Variants in ZDHHC17 observed in about 807,000 individuals in gnomAD.
ZDHHC17 encodes zDHHC palmitoyltransferase 17, also known as palmitoyltransferase ZDHHC17.
Under a neutral mutation model 90.3 loss-of-function variants are expected in ZDHHC17, and 40 were observed. That is an observed-to-expected ratio of 0.44 (90% confidence interval 0.34 to 0.58). The LOEUF is 0.58. Ranked by LOEUF, ZDHHC17 falls within the 20% of genes least tolerant of loss-of-function variation. The probability of loss-of-function intolerance (pLI) is 0.01; values close to 1 mark genes in which losing one functional copy is unlikely to be tolerated. For synonymous variants in ZDHHC17, 235 were observed against 252.4 expected (o/e 0.93, Z 0.65); for missense variants, 614 against 780.8 (o/e 0.79, Z 2.55).
intron 8 of ZDHHC17, among the ~76,000 whole-genome samples, chr12:76,823,733 A>G (rs1416454372): frequency 6.6e-6 from 1 of 152,218 alleles, no homozygotes; most frequent in East Asian, 1.9e-4. Flanking sequence ...CTTTATTTAT[A>G]GGAGTTTGGA....
chr12:76,826,734 T>A (rs4761342), intron 8 of ZDHHC17, among the ~76,000 whole-genome samples, 174 bp from the exon 9 acceptor site: 92,808 of 152,026 alleles, frequency 0.61, 28,390 homozygotes, highest in East Asian at 0.67. Flanking sequence ...AAATTGTTCA[T>A]TGCCTGTCTC....
intron 3 of ZDHHC17, among the ~76,000 whole-genome samples, chr12:76,807,100 A>G (rs1419420251): frequency 6.6e-6 from 1 of 152,238 alleles, no homozygotes; most frequent in Non-Finnish European, 1.5e-5. Context: ...GTTTAGGGAC[A>G]CAAGAATGAA....
chr12:76,811,173 A>G (rs2137764187), intron 5 of ZDHHC17, among the ~76,000 whole-genome samples: 1 of 151,592 alleles, frequency 6.6e-6, no homozygotes, highest in East Asian at 1.9e-4. Context: ...AACCACCCGG[A>G]GGGAAGGGAC....
chr12:76,803,695 A>C (rs921174040), intron 2 of ZDHHC17, among the ~76,000 whole-genome samples: 12 of 152,272 alleles, frequency 7.9e-5, no homozygotes, highest in Admixed American at 6.5e-4. Context: ...AGATTTGACA[A>C]ATTCTTTTAA....
At chr12:76,791,818 T>A (rs1311227635) in intron 1 of ZDHHC17, among the ~76,000 whole-genome samples, 2 of 152,118 alleles carry the variant, frequency 1.3e-5, no homozygotes, top group Admixed American at 6.6e-5. Context: ...CTCCTCAGAT[T>A]TGATAATTTG....
chr12:76,829,163 A>G (rs1216423929), intron 10 of ZDHHC17, among the ~76,000 whole-genome samples: 1 of 152,164 alleles, frequency 6.6e-6, no homozygotes, highest in African/African-American at 2.4e-5. Context: ...CAAAAAACTA[A>G]AGATAGAACT....
intron 1 of ZDHHC17, among the ~76,000 whole-genome samples, chr12:76,776,347 C>G (rs1162011385): frequency 2.0e-5 from 3 of 152,106 alleles, no homozygotes; most frequent in African/African-American, 4.8e-5. Context: ...ATATATAGTT[C>G]ATGGTGAAGT....
intron 1 of ZDHHC17, among the ~76,000 whole-genome samples, chr12:76,788,936 A>G (rs1210876954): frequency 2.0e-5 from 3 of 151,916 alleles, no homozygotes; most frequent in South Asian, 4.2e-4. Context: ...ACCTCAGGTG[A>G]TCCGCCTGCC....
chr12:76,817,574 G>C (rs990397622), intron 7 of ZDHHC17, among the ~76,000 whole-genome samples: 1 of 152,026 alleles, frequency 6.6e-6, no homozygotes, highest in Non-Finnish European at 1.5e-5. Flanking sequence ...AACTAGTAGT[G>C]TGTATTTTTA....
chr12:76,764,617 G>A, intron 1 of ZDHHC17: 1 of 536,372 alleles, frequency 1.9e-6, no homozygotes, highest in Non-Finnish European at 3.4e-6. Context: ...GCGTTTGAGA[G>A]CAGAGGCGGA....
chr12:76,810,434 T>C (rs550451129), intron 5 of ZDHHC17, among the ~76,000 whole-genome samples: 3 of 152,320 alleles, frequency 2.0e-5, no homozygotes, highest in Admixed American at 1.3e-4. Context: ...AGTTTTTCTT[T>C]AGTGTGTTTT....
intron 1 of ZDHHC17, chr12:76,764,647 G>C (rs559812466): frequency 2.2e-5 from 11 of 502,710 alleles, no homozygotes; most frequent in Non-Finnish European, 4.1e-5. Context: ...TGTGGTTTTT[G>C]AACCGCAGCT....
intron 2 of ZDHHC17, among the ~76,000 whole-genome samples, chr12:76,799,217 A>G (rs1186011027): frequency 6.6e-6 from 1 of 152,176 alleles, no homozygotes; most frequent in Non-Finnish European, 1.5e-5. Flanking sequence ...TAGGATGTGT[A>G]TTTTTCTTGG....
intron 10 of ZDHHC17, among the ~76,000 whole-genome samples, chr12:76,834,198 T>C (rs989306917): frequency 1.3e-5 from 2 of 152,192 alleles, no homozygotes; most frequent in Non-Finnish European, 2.9e-5. Flanking sequence ...CTTGCATTTT[T>C]ATTTATTTTT....
At position 76,853,688 on chromosome 12, in the gene ZDHHC17, G is replaced by T. The variant is rs920798498; in HGVS notation, c.*2703G>T. The T allele has an allele frequency of 4.6e-5, 7 of 152,246 alleles. No individual in the cohort carries two copies. The highest frequency in any genetic ancestry group is 1.7e-4 in the African/African-American group (7 of 41,376). 9.4% of individuals were successfully genotyped at this position (152,246 alleles called of 1,614,324 possible). ...TAAAATATTAATCAGAATAAATACT[G>T]ACTCTTAAGTGTGTGCTTATGATTT... On this transcript the variant is annotated 3_prime_UTR_variant, in exon 17 of 17. Transcript: ENST00000426126.
intron 16 of ZDHHC17, among the ~76,000 whole-genome samples, chr12:76,850,270 A>G (rs1299118578): frequency 6.6e-6 from 1 of 152,162 alleles, no homozygotes; most frequent in Non-Finnish European, 1.5e-5. Context: ...CTAAAATTTC[A>G]TGAACTTATC....
Position 76,764,290 on chromosome 12 carries a change from C to T in ZDHHC17, c.54C>T (p.Tyr18=). 7 of 1,607,096 alleles carry T rather than the reference C, an allele frequency of 4.4e-6. No homozygotes were observed. The highest frequency in any genetic ancestry group is 4.2e-6 in the Non-Finnish European group (5 of 1,176,966). The change falls in exon 1 of 17, where the codon TAC becomes TAT. Residue 18 remains tyrosine, a synonymous_variant. Coordinates refer to ENST00000426126, the MANE Select transcript of ZDHHC17 (RefSeq NM_015336.4). The part of the protein sequence containing the change: ...NTKMADGPDE[Y]DTEAGCVPLL... ...AGATGGCGGACGGCCCGGATGAGTA[C>T]GATACCGAAGCGGGCTGTGTGCCCC...
Position 76,849,358 on chromosome 12 carries a change from C to A in ZDHHC17, c.1666-18C>A. The A allele has an allele frequency of 7.5e-6, 7 of 935,494 alleles. No homozygotes were observed. The highest frequency in any genetic ancestry group is 7.7e-6 in the Non-Finnish European group (5 of 646,730). The allele number at this position is 935,494 out of a possible 1,614,324, so 57.9% of individuals were successfully genotyped here. A position where few individuals can be genotyped will look rare whatever the true frequency, so the allele number is the denominator to read the frequency against. ...AAAAAAAAACAAGAATAATGGTTTGCTTTTTCTTTCCTCTTAGATATCATG... is the reference window on the plus strand; with the variant it reads ...AAAAAAAAACAAGAATAATGGTTTGATTTTTCTTTCCTCTTAGATATCATG... On this transcript the variant is annotated intron_variant, in intron 15 of 16. Coordinates refer to ENST00000426126, the MANE Select transcript of ZDHHC17 (RefSeq NM_015336.4).
intron 12 of ZDHHC17, chr12:76,843,772 T>A (rs117252981): frequency 6.6e-6 from 1 of 152,142 alleles, no homozygotes; most frequent in South Asian, 2.1e-4. Context: ...TTTATACTTA[T>A]ACACTGCAAG....
Sources: allele counts gnomAD v4.1 joint callset (sites outside exome capture counted in the v4.1 genomes callset), GRCh38; gene constraint gnomAD v4.1.1; transcripts MANE v1.5; gene names NCBI Gene and HGNC (gene_info 2026-07-23, HGNC 2026-07-21).